The following DENND1A variants were observed in gnomAD, a reference collection of about 807,000 sequenced individuals.
The protein encoded by DENND1A is DENN domain-containing protein 1A.
DENND1A carries 51 observed loss-of-function variants against 113.7 expected under a neutral mutation model. The observed-to-expected ratio is 0.45, with a 90% CI of 0.36 to 0.57. The LOEUF (loss-of-function observed/expected upper bound fraction) is 0.57, where lower values mean the gene tolerates loss of function less well. DENND1A is among the 20% of genes least tolerant of loss of function. The pLI is 0.00. For synonymous variants in DENND1A, 565 were observed against 570.8 expected, an observed-to-expected ratio of 0.99 and a Z score of 0.14; for missense variants, 1,258 against 1,395.9, an observed-to-expected ratio of 0.90 and a Z score of 1.57.
intron 13 of DENND1A, 138 bp downstream of exon 13, chr9:123,557,432 G>A: frequency 7.6e-7 from 1 of 1,308,268 alleles, no homozygotes; most frequent in South Asian, 1.5e-5. Flanking sequence ...GGAGTACACT[G>A]TCCCCCACCA....
At chr9:123,439,338 G>T (rs1004555716) in intron 19 of DENND1A, among the ~76,000 whole-genome samples, 2 of 152,344 alleles carry the variant, frequency 1.3e-5, no homozygotes, top group African/African-American at 4.8e-5. Context: ...ATATTGATTA[G>T]AGAAGAGTGA....
intron 2 of DENND1A, among the ~76,000 whole-genome samples, chr9:123,837,341 C>T (rs1210240907): frequency 6.6e-6 from 1 of 152,172 alleles, no homozygotes; most frequent in Non-Finnish European, 1.5e-5. Flanking sequence ...GAGGATCGAC[C>T]ATCTTTCAAC....
At chr9:123,740,682 AG>A (rs2068934062) in intron 5 of DENND1A, among the ~76,000 whole-genome samples, 1 of 152,200 alleles carries the variant, frequency 6.6e-6, no homozygotes, top group Non-Finnish European at 1.5e-5. Flanking sequence ...TTTACAAAGT[AG>A]GCCTCATTAT....
chr9:123,389,009 G>A (rs944862738), intron 21 of DENND1A, among the ~76,000 whole-genome samples: 2 of 152,220 alleles, frequency 1.3e-5, no homozygotes, highest in Non-Finnish European at 2.9e-5. Context: ...TCACCCCCCA[G>A]CCCCCAGCTA....
In DENND1A at chr9:123,381,574, T is replaced by A; in HGVS notation, c.3071A>T (p.Gln1024Leu). The A allele has an allele frequency of 6.2e-7, 1 of 1,613,618 alleles. No homozygotes were observed. The highest frequency in any genetic ancestry group is 8.5e-7 in the Non-Finnish European group (1 of 1,179,964). Residue 1024 changes from glutamine (Q) to leucine (L), a missense_variant, in exon 24 of 24, where the codon CAG becomes CTG. Gln to Leu is a moderately radical substitution (Grantham distance 113, BLOSUM62 -2). Coordinates refer to ENST00000394215, the MANE Select transcript of DENND1A (RefSeq NM_001352964.2). The surrounding 1 kb of genome is among the most constrained non-coding windows in gnomAD (Gnocchi z 4.7). ...TCTGGCCTGTTGAGGAGCAGAGGGCTGCAGTGTTGGCTCCAGGCCTTGAGG... is the reference window on the plus strand; with the variant it reads ...TCTGGCCTGTTGAGGAGCAGAGGGCAGCAGTGTTGGCTCCAGGCCTTGAGG... Reference protein sequence around the residue: ...RPPQGLEPTLQPSAPQQARDP... With the variant: ...RPPQGLEPTLLPSAPQQARDP...
At chr9:123,651,422 A>AC (rs1171122660) in intron 9 of DENND1A, among the ~76,000 whole-genome samples, 2 of 151,994 alleles carry the variant, frequency 1.3e-5, no homozygotes, top group African/African-American at 4.8e-5. Flanking sequence ...GCACACACAC[A>AC]CTCTCTCTCT....
chr9:123,577,060 A>AT (rs1304792897), intron 12 of DENND1A, among the ~76,000 whole-genome samples: 13 of 151,966 alleles, frequency 8.6e-5, no homozygotes, highest in African/African-American at 3.1e-4. Flanking sequence ...CTGTTAAAAT[A>AT]TTTTTTCTGT....
intron 1 of DENND1A, among the ~76,000 whole-genome samples, chr9:123,896,320 A>C (rs1301337580): frequency 6.6e-6 from 1 of 151,770 alleles, no homozygotes; most frequent in Non-Finnish European, 1.5e-5. Context: ...AAAACAAACA[A>C]ACAAACAAAC....
At chr9:123,567,259 T>C (rs575455251) in intron 12 of DENND1A, among the ~76,000 whole-genome samples, 2 of 152,228 alleles carry the variant, frequency 1.3e-5, no homozygotes, top group African/African-American at 2.4e-5. Context: ...AAGGTGCTCA[T>C]GGAAATTCTT....
chr9:123,576,719 A>G (rs1164391797), intron 12 of DENND1A, among the ~76,000 whole-genome samples: 2 of 152,252 alleles, frequency 1.3e-5, no homozygotes, highest in East Asian at 3.9e-4. Context: ...TGAACTCCTG[A>G]CCTCAGGTGA....
intron 2 of DENND1A, among the ~76,000 whole-genome samples, chr9:123,816,795 A>C (rs1289204809): frequency 6.6e-6 from 1 of 152,202 alleles, no homozygotes; most frequent in Non-Finnish European, 1.5e-5. Flanking sequence ...AAAGTCCTCC[A>C]AAAACTACAT....
chr9:123,883,096 G>T lies in DENND1A; in HGVS notation c.18-4075C>A, dbSNP rs1848547816. On this transcript the variant is annotated intron_variant, in intron 1 of 23. Coordinates refer to ENST00000394215, the MANE Select transcript of DENND1A (RefSeq NM_001352964.2). ...GTCCTTTATATTGATCTTCACACAG[G>T]TGGTCCTTCTTGGCATTGAAAACTC... Among the ~76,000 whole-genome samples, 3 of 152,222 alleles carry T rather than the reference G, an allele frequency of 2.0e-5. No individual in the cohort carries two copies. In the South Asian group the frequency reaches 6.2e-4, roughly 32 times the overall value.
intron 5 of DENND1A, among the ~76,000 whole-genome samples, chr9:123,677,034 T>G (rs1038090770): frequency 1.3e-5 from 2 of 152,148 alleles, no homozygotes; most frequent in Non-Finnish European, 2.9e-5. Context: ...GCTAGAACAG[T>G]TCACAGAGAA....
At chr9:123,495,171 T>TCTCTCTCTCTCTCTCTCTCTCTCTC (rs1564598042) in intron 13 of DENND1A, among the ~76,000 whole-genome samples, 2 of 76,292 alleles carry the variant, frequency 2.6e-5, no homozygotes, top group South Asian at 4.2e-4. Context: ...CTCTCTCTCT[T>TCTCTCTCTCTCTCTCTCTCTCTCTC]ATAATGTCTG....
intron 21 of DENND1A, chr9:123,401,901 G>T (rs2043497690): frequency 6.2e-7 from 1 of 1,614,066 alleles, no homozygotes; most frequent in African/African-American, 1.3e-5. Flanking sequence ...AGCTGGTGTT[G>T]CAATGGTGTT....
intron 2 of DENND1A, among the ~76,000 whole-genome samples, chr9:123,808,987 GC>G (rs890022032): frequency 6.6e-6 from 1 of 152,190 alleles, no homozygotes; most frequent in African/African-American, 2.4e-5. Flanking sequence ...TTTCCAAAAA[GC>G]CCCTGCAACT....
At chr9:123,396,301 G>A (rs1051681687) in intron 21 of DENND1A, among the ~76,000 whole-genome samples, 1 of 152,248 alleles carries the variant, frequency 6.6e-6, no homozygotes, top group South Asian at 2.1e-4. Context: ...GGGCCAGGAG[G>A]CTGACTCAGG....
intron 1 of DENND1A, among the ~76,000 whole-genome samples, chr9:123,925,426 G>T (rs1370739841): frequency 6.6e-6 from 1 of 152,008 alleles, no homozygotes; most frequent in Non-Finnish European, 1.5e-5. Flanking sequence ...GTCACCAGCG[G>T]CATCTCCACC....
chr9:123,553,889 C>G (rs1038297023), intron 13 of DENND1A, among the ~76,000 whole-genome samples: 2 of 152,178 alleles, frequency 1.3e-5, no homozygotes, highest in African/African-American at 4.8e-5. Context: ...TCCTGAGTAG[C>G]TGGGACTACA....
Sources: gnomAD v4.1 joint callset for allele counts (sites outside exome capture counted in the v4.1 genomes callset) on GRCh38, gnomAD v4.1.1 for gene constraint, Gnocchi (gnomAD v3.1) non-coding constraint, MANE v1.5 for transcripts, NCBI Gene and HGNC (gene_info 2026-07-23, HGNC 2026-07-21) for gene names.